The following UNC5C variants were observed in gnomAD, a reference collection of about 807,000 sequenced individuals.
UNC5C encodes the protein netrin receptor UNC5C.
Under a neutral mutation model 99.8 loss-of-function variants are expected in UNC5C, and 47 were observed. That is an observed-to-expected ratio of 0.47 (90% CI 0.37 to 0.60). The LOEUF is 0.60. UNC5C is among the 20% of genes least tolerant of loss of function. The pLI is 0.00. For synonymous variants in UNC5C, 487 were observed against 452.2 expected (o/e 1.08, Z -0.98); for missense variants, 1,062 against 1,165.9 (o/e 0.91, Z 1.30).
Position 95,452,442 on chromosome 4 carries a change from C to T in UNC5C, c.124+96292G>A, listed in dbSNP as rs972536058. Among the ~76,000 whole-genome samples the T allele has an allele frequency of 1.6e-4, 25 of 152,066 alleles. 1 individual carries two copies. Among genetic ancestry groups the T allele is most frequent in the Admixed American group, 4.6e-4 (7 of 15,274 alleles). On this transcript the variant is annotated intron_variant, in intron 1 of 15. Transcript: ENST00000453304. ...TGCAGTCTTTCTCCACCCCAGACCA[C>T]GGAGGGTTTCACCAGGGGACAGTTC... is the stretch of plus-strand genomic sequence containing the variant.
At chr4:95,514,443 G>A (rs1366740050) in intron 1 of UNC5C, among the ~76,000 whole-genome samples, 1 of 151,770 alleles carries the variant, frequency 6.6e-6, no homozygotes, top group Non-Finnish European at 1.5e-5. Flanking sequence ...AACTCTCTTA[G>A]AGGTTAAATC....
intron 3 of UNC5C, among the ~76,000 whole-genome samples, chr4:95,297,170 C>T (rs2621441): frequency 1 from 152,272 of 152,296 alleles, 76,124 homozygotes; most frequent in Middle Eastern, 1. Context: ...GGAGTCATCA[C>T]GTGTTGTATT....
Position 95,245,050 on chromosome 4 carries a change from C to T in UNC5C, c.870G>A (p.Pro290=), listed in dbSNP as rs780532117. Residue 290 remains proline, a synonymous_variant, in exon 6 of 16, where the codon CCG becomes CCA. Coordinates refer to ENST00000453304, the MANE Select transcript of UNC5C (RefSeq NM_003728.4). ...AGAAGGCACCCCCATTGAGTGGTGC[C>T]GGGTTGGTACAAGTCCTTGTACGTT... The part of the protein sequence containing the change: ...YQKRTRTCTN[P]APLNGGAFCE... The T allele has an allele frequency of 1.5e-5, 24 of 1,613,898 alleles. No individual in the cohort carries two copies. The Admixed American group carries it at 1.5e-4, about 10-fold the overall frequency.
chr4:95,374,830 T>A (rs1744846227), intron 1 of UNC5C, among the ~76,000 whole-genome samples: 1 of 152,084 alleles, frequency 6.6e-6, no homozygotes, highest in Non-Finnish European at 1.5e-5. Flanking sequence ...AAATCAAGTA[T>A]AATATATATG....
Position 95,536,082 on chromosome 4 carries a change from A to ATATAT in UNC5C, c.124+12651_124+12652insATATA, listed in dbSNP as rs1180330785. Among the ~76,000 whole-genome samples the ATATAT allele has an allele frequency of 1.4e-4, 11 of 78,450 alleles. 1 individual carries two copies. Among genetic ancestry groups the ATATAT allele is most frequent in the African/African-American group, 4.0e-4 (10 of 24,818 alleles). 51.5% of individuals were successfully genotyped at this position (78,450 alleles called of 152,430 possible). On this transcript the variant is annotated intron_variant, in intron 1 of 15. Transcript: ENST00000453304. ...CATACATATATATATATATATATAT[A>ATATAT]TTTTTTTTTTTTGAGATGGAGTCTC...
intron 7 of UNC5C, among the ~76,000 whole-genome samples, chr4:95,229,639 A>G (rs979655388): frequency 2.0e-5 from 3 of 152,158 alleles, no homozygotes; most frequent in Middle Eastern, 3.4e-3. Flanking sequence ...TTGTGTATAC[A>G]CCCAGTAATG....
At chr4:95,352,362 GC>G (rs1744021916) in intron 1 of UNC5C, among the ~76,000 whole-genome samples, 1 of 151,996 alleles carries the variant, frequency 6.6e-6, no homozygotes, top group Admixed American at 6.6e-5. Flanking sequence ...TCTTCTCACT[GC>G]CGTTTAGGTT....
chr4:95,480,370 C>T (rs536301303), intron 1 of UNC5C, among the ~76,000 whole-genome samples: 2 of 151,806 alleles, frequency 1.3e-5, no homozygotes, highest in South Asian at 2.1e-4. Context: ...TTCTGCAATA[C>T]TTAATAGTTT....
At chr4:95,334,706 G>T (rs1372486240) in intron 2 of UNC5C, among the ~76,000 whole-genome samples, 1 of 151,752 alleles carries the variant, frequency 6.6e-6, no homozygotes, top group Non-Finnish European at 1.5e-5. Flanking sequence ...TCCTTTCTTT[G>T]CCTTTAGTAT....
In UNC5C at chr4:95,412,874, T is replaced by A. The variant is rs142415021; in HGVS notation, c.125-77243A>T. 5.3e-3 allele frequency among the ~76,000 whole-genome samples: 809 copies of A among 152,258 alleles called. 8 individuals carry two copies. Among genetic ancestry groups the A allele is most frequent in the African/African-American group, 0.018 (762 of 41,558 alleles). Reference sequence around the variant, plus strand: ...AGGTAGCAAAAGGGTGAGGCTGGCATGGACAGGAACAGTAGAGAAGGATTA... The same window carrying A: ...AGGTAGCAAAAGGGTGAGGCTGGCAAGGACAGGAACAGTAGAGAAGGATTA... On this transcript the variant is annotated intron_variant, in intron 1 of 15. Transcript: ENST00000453304.
At chr4:95,536,569 A>G (rs1172807125) in intron 1 of UNC5C, among the ~76,000 whole-genome samples, 1 of 152,214 alleles carries the variant, frequency 6.6e-6, no homozygotes. Context: ...ATTCAGTTTC[A>G]TAATACTAGT....
intron 14 of UNC5C, among the ~76,000 whole-genome samples, chr4:95,176,383 T>G (rs1262012154): frequency 6.6e-6 from 1 of 151,704 alleles, no homozygotes; most frequent in Non-Finnish European, 1.5e-5. Context: ...TTTATCTACT[T>G]TTGGTCTTTG....
At chr4:95,188,617 T>G (rs1736931316) in intron 12 of UNC5C, among the ~76,000 whole-genome samples, 1 of 152,252 alleles carries the variant, frequency 6.6e-6, no homozygotes, top group African/African-American at 2.4e-5. Context: ...TATTTCACAC[T>G]GCTTGATTTT....
chr4:95,328,518 A>G (rs1474742189), intron 2 of UNC5C, among the ~76,000 whole-genome samples: 3 of 141,284 alleles, frequency 2.1e-5, no homozygotes, highest in Non-Finnish European at 3.1e-5. Context: ...TAATGCCTCA[A>G]TAAACATACG....
chr4:95,367,195 T>C (rs1223858642), intron 1 of UNC5C, among the ~76,000 whole-genome samples: 3 of 151,192 alleles, frequency 2.0e-5, no homozygotes, highest in East Asian at 3.9e-4. Flanking sequence ...TTCTTTTTTT[T>C]TTTTTTTTCA....
intron 4 of UNC5C, among the ~76,000 whole-genome samples, chr4:95,263,747 A>G (rs1302411701): frequency 2.0e-5 from 3 of 152,168 alleles, no homozygotes; most frequent in African/African-American, 7.2e-5. Flanking sequence ...TATCTGTCCT[A>G]ACTTCCTCAT....
chr4:95,252,176 T>C (rs887736321), intron 4 of UNC5C, among the ~76,000 whole-genome samples: 1 of 152,218 alleles, frequency 6.6e-6, no homozygotes, highest in Non-Finnish European at 1.5e-5. Flanking sequence ...GGAAATACGA[T>C]CCTGCTGGAA....
At chr4:95,379,829 T>C (rs893847267) in intron 1 of UNC5C, among the ~76,000 whole-genome samples, 1 of 152,176 alleles carries the variant, frequency 6.6e-6, no homozygotes, top group African/African-American at 2.4e-5. Context: ...GGCGCTAAGA[T>C]ACGGAGGTGA....
chr4:95,327,901 G>A (rs966951319), intron 2 of UNC5C, among the ~76,000 whole-genome samples: 16 of 151,902 alleles, frequency 1.1e-4, no homozygotes, highest in African/African-American at 1.7e-4. Flanking sequence ...GACACACTGG[G>A]TGCAGGAACC....
Sources: gnomAD v4.1 joint callset for allele counts (sites outside exome capture counted in the v4.1 genomes callset) on GRCh38, gnomAD v4.1.1 for gene constraint, MANE v1.5 for transcripts, NCBI Gene and HGNC (gene_info 2026-07-23, HGNC 2026-07-21) for gene names.